GRM7: variants seen among roughly 807,000 people sequenced by gnomAD.
The protein encoded by GRM7 is metabotropic glutamate receptor 7.
In GRM7, 35 loss-of-function variants were observed where a neutral mutation model predicts 84.5. The ratio of observed to expected loss-of-function variants is 0.41; its 90% confidence interval spans 0.32 to 0.55. The LOEUF is 0.55. Ranked by LOEUF, GRM7 falls within the 20% of genes least tolerant of loss-of-function variation. The pLI is 0.19. For missense variants in GRM7, 1,003 were observed against 1,194.6 expected (o/e 0.84, Z 2.36); for synonymous variants, 487 against 455.1 (o/e 1.07, Z -0.89).
At chr3:7,091,430 C>A (rs1001685461) in intron 1 of GRM7, among the ~76,000 whole-genome samples, 1 of 152,006 alleles carries the variant, frequency 6.6e-6, no homozygotes, top group African/African-American at 2.4e-5. Context: ...CATAAAATAC[C>A]TTGTAAATGG....
At chr3:7,229,620 A>G (rs1697095349) in intron 2 of GRM7, among the ~76,000 whole-genome samples, 1 of 149,936 alleles carries the variant, frequency 6.7e-6, no homozygotes, top group African/African-American at 2.4e-5. Context: ...GGAAGGGTAA[A>G]TGGATTTCCC....
chr3:7,124,496 G>A (rs954339218), intron 1 of GRM7, among the ~76,000 whole-genome samples: 1 of 152,136 alleles, frequency 6.6e-6, no homozygotes, highest in African/African-American at 2.4e-5. Context: ...GATATCCAGA[G>A]TGATATAGAA....
chr3:7,698,373 C>T (rs762061951), intron 9 of GRM7, among the ~76,000 whole-genome samples: 2 of 152,196 alleles, frequency 1.3e-5, no homozygotes, highest in Non-Finnish European at 2.9e-5. Flanking sequence ...TGTATTAGCT[C>T]ATTTAATTAT....
At chr3:7,325,344 C>A (rs962612862) in intron 4 of GRM7, among the ~76,000 whole-genome samples, 1 of 152,060 alleles carries the variant, frequency 6.6e-6, no homozygotes, top group African/African-American at 2.4e-5. Flanking sequence ...TTCTCTAGAG[C>A]AAAGCTTCTC....
At chr3:7,197,844 A>G (rs1470735993) in intron 2 of GRM7, among the ~76,000 whole-genome samples, 1 of 152,168 alleles carries the variant, frequency 6.6e-6, no homozygotes, top group African/African-American at 2.4e-5. Context: ...GTCAGCAAGA[A>G]AAACAAAAAA....
At chr3:7,693,543 T>G in intron 9 of GRM7, 1 of 803,988 alleles carries the variant, frequency 1.2e-6, no homozygotes, top group Non-Finnish European at 2.1e-6. Context: ...CTTTCCCTCA[T>G]TTTTGTCATG....
chr3:7,469,509 G>A (rs980316863), intron 7 of GRM7, among the ~76,000 whole-genome samples: 6 of 152,170 alleles, frequency 3.9e-5, no homozygotes, highest in Non-Finnish European at 7.3e-5. Flanking sequence ...GTTATCATTG[G>A]CCATTTATTT....
intron 7 of GRM7, among the ~76,000 whole-genome samples, chr3:7,528,393 G>T (rs1165828387): frequency 6.6e-6 from 1 of 151,892 alleles, no homozygotes; most frequent in African/African-American, 2.4e-5. Flanking sequence ...TTCTGATTTT[G>T]CTCATTTGAG....
At chr3:7,034,642 T>C (rs1696316589) in intron 1 of GRM7, among the ~76,000 whole-genome samples, 1 of 152,218 alleles carries the variant, frequency 6.6e-6, no homozygotes, top group African/African-American at 2.4e-5. Flanking sequence ...ATTATGATTT[T>C]TTTCTCAGCT....
At chr3:7,062,152 T>G (rs1409937886) in intron 1 of GRM7, among the ~76,000 whole-genome samples, 1 of 151,716 alleles carries the variant, frequency 6.6e-6, no homozygotes, top group African/African-American at 2.4e-5. Context: ...AGGGAATACT[T>G]ACAGAAATTG....
intron 1 of GRM7, among the ~76,000 whole-genome samples, chr3:6,885,514 C>A (rs1034783780): frequency 6.6e-6 from 1 of 152,160 alleles, no homozygotes; most frequent in East Asian, 1.9e-4. Flanking sequence ...TGTTTCCACC[C>A]TGACCTGTTT....
intron 1 of GRM7, among the ~76,000 whole-genome samples, chr3:7,081,249 C>G (rs1559426434): frequency 6.6e-6 from 1 of 152,158 alleles, no homozygotes; most frequent in East Asian, 1.9e-4. Context: ...TTCCTAACAC[C>G]ATTTTCAAAA....
chr3:7,255,934 C>T (rs149711720), intron 2 of GRM7, among the ~76,000 whole-genome samples: 9 of 152,300 alleles, frequency 5.9e-5, no homozygotes, highest in African/African-American at 1.9e-4. Flanking sequence ...CAAACTATGC[C>T]ACTCTCTGCT....
chr3:7,660,307 C>T (rs1393316980), intron 8 of GRM7, among the ~76,000 whole-genome samples: 4 of 152,194 alleles, frequency 2.6e-5, no homozygotes, highest in Non-Finnish European at 4.4e-5. Flanking sequence ...ATAGTACCAC[C>T]CATGAAGCTT....
At chr3:7,236,866 T>C (rs537470103) in intron 2 of GRM7, among the ~76,000 whole-genome samples, 2 of 152,308 alleles carry the variant, frequency 1.3e-5, no homozygotes, top group East Asian at 1.9e-4. Flanking sequence ...CAACAATAAA[T>C]GTATACTGAG....
chr3:6,992,387 A>G (rs573251639), intron 1 of GRM7, among the ~76,000 whole-genome samples: 170 of 152,372 alleles, frequency 1.1e-3, no homozygotes, highest in Non-Finnish European at 2.1e-3. Flanking sequence ...AGTGTAATGC[A>G]GAATTGGACA....
At position 7,696,191 on chromosome 3, in the gene GRM7, C is replaced by A. The variant is rs538998375; in HGVS notation, c.2698+15896C>A. 8.9e-4 allele frequency among the ~76,000 whole-genome samples: 136 copies of A among 152,238 alleles called. 1 individual carries two copies. The South Asian group carries it at 0.027, about 30-fold the overall frequency. On this transcript the variant is annotated intron_variant, in intron 9 of 9. Transcript: ENST00000357716. The stretch of plus-strand genomic sequence containing the variant: ...TAGGTCTCTCAGGAGTGTTTGGACC[C>A]ATTTCTTTTGTAGCTTCTAGTAAAA...
intron 4 of GRM7, among the ~76,000 whole-genome samples, chr3:7,327,124 G>T (rs1178229454): frequency 6.6e-6 from 1 of 152,184 alleles, no homozygotes; most frequent in Non-Finnish European, 1.5e-5. Context: ...TATTTGCCCA[G>T]TATCTCTGGA....
intron 1 of GRM7, among the ~76,000 whole-genome samples, chr3:6,963,911 C>T (rs1436516191): frequency 6.6e-6 from 1 of 152,122 alleles, no homozygotes; most frequent in East Asian, 1.9e-4. Context: ...GGAGTTTTCT[C>T]TACTTGATAA....
Sources: allele counts gnomAD v4.1 joint callset (sites outside exome capture counted in the v4.1 genomes callset), GRCh38; gene constraint gnomAD v4.1.1; transcripts MANE v1.5; gene names NCBI Gene and HGNC (gene_info 2026-07-23, HGNC 2026-07-21).